Variants in TMEM156 observed in about 807,000 individuals in gnomAD.
TMEM156 encodes the protein transmembrane protein 156.
TMEM156 carries 28 observed loss-of-function variants against 30.5 expected under a neutral mutation model. The ratio of observed to expected loss-of-function variants is 0.92; its 90% confidence interval spans 0.68 to 1.26. TMEM156 has a LOEUF of 1.26. TMEM156 is among the 50% of genes most tolerant of loss of function. TMEM156 has a pLI of 0.00. For synonymous variants in TMEM156, 137 were observed against 119.9 expected (o/e 1.14, Z -0.93); for missense variants, 351 against 340.6 (o/e 1.03, Z -0.24).
At chr4:39,005,192 G>A (rs1449943081) in intron 1 of TMEM156, among the ~76,000 whole-genome samples, 2 of 152,290 alleles carry the variant, frequency 1.3e-5, no homozygotes, top group Non-Finnish European at 2.9e-5. Context: ...AGTAGGAGAA[G>A]GGCTCTTCTG....
chr4:39,009,716 C>T (rs940666122), intron 1 of TMEM156, among the ~76,000 whole-genome samples: 13 of 152,102 alleles, frequency 8.5e-5, no homozygotes, highest in African/African-American at 3.1e-4. Flanking sequence ...GATAAAAGCC[C>T]TCAACAAACT....
At chr4:38,990,294 G>T (rs576291470) in intron 3 of TMEM156, among the ~76,000 whole-genome samples, 1 of 152,188 alleles carries the variant, frequency 6.6e-6, no homozygotes, top group South Asian at 2.1e-4. Context: ...CATTTAGAGA[G>T]GTGGCTAAGT....
At chr4:38,999,110 A>ATTTTTTTTTTTTTT (rs34889728) in intron 1 of TMEM156, among the ~76,000 whole-genome samples, 2 of 106,104 alleles carry the variant, frequency 1.9e-5, no homozygotes, top group Admixed American at 1.0e-4. Context: ...TTATTTATTT[A>ATTTTTTTTTTTTTT]TTTTTTTTTT....
chr4:38,996,023 T>C (rs1017984405), intron 2 of TMEM156, among the ~76,000 whole-genome samples: 3 of 152,042 alleles, frequency 2.0e-5, no homozygotes, highest in African/African-American at 7.2e-5. Flanking sequence ...TTTCAAACTG[T>C]TTATCTGATA....
chr4:38,975,379 C>CTTTTTTTTTTTTTTTTT (rs200919074), intron 5 of TMEM156, among the ~76,000 whole-genome samples: 1 of 123,798 alleles, frequency 8.1e-6, no homozygotes, highest in African/African-American at 3.5e-5. Flanking sequence ...TTTCTTTTTT[C>CTTTTTTTTTTTTTTTTT]TTTTCTTTTT....
At chr4:39,014,817 TA>T (rs1476352383) in intron 1 of TMEM156, among the ~76,000 whole-genome samples, 3 of 151,900 alleles carry the variant, frequency 2.0e-5, no homozygotes, top group African/African-American at 4.8e-5. Flanking sequence ...CATCTTTTTT[TA>T]AAAAAGAAAT....
At chr4:38,975,803 C>T (rs1722825008) in intron 5 of TMEM156, among the ~76,000 whole-genome samples, 2 of 152,124 alleles carry the variant, frequency 1.3e-5, no homozygotes, top group Admixed American at 6.5e-5. Flanking sequence ...GACCATGAAC[C>T]AGATGGGATT....
chr4:38,983,218 C>T (rs1185760495), intron 5 of TMEM156, among the ~76,000 whole-genome samples: 1 of 152,120 alleles, frequency 6.6e-6, no homozygotes, highest in African/African-American at 2.4e-5. Flanking sequence ...TTTCCCTAGC[C>T]TCCTGTTGTT....
At chr4:38,983,514 T>C (rs142689836) in intron 5 of TMEM156, among the ~76,000 whole-genome samples, 291 of 152,304 alleles carry the variant, frequency 1.9e-3, no homozygotes, top group Middle Eastern at 0.01. Context: ...TCCTCCCACC[T>C]CATCCTCCTG....
At chr4:38,980,896 G>T (rs1466374038) in intron 5 of TMEM156, 1 of 981,428 alleles carries the variant, frequency 1.0e-6, no homozygotes, top group African/African-American at 1.8e-5. Context: ...AATTCTTCCA[G>T]GCCTGACATA....
intron 2 of TMEM156, among the ~76,000 whole-genome samples, 181 bp from the exon 3 acceptor site, chr4:38,994,179 CA>C (rs1334767498): frequency 1.3e-5 from 2 of 152,136 alleles, no homozygotes; most frequent in African/African-American, 4.8e-5. Context: ...GGCTGGAGTG[CA>C]GTGGCGTAAT....
intron 1 of TMEM156, among the ~76,000 whole-genome samples, chr4:39,027,845 C>T (rs186304845): frequency 8.5e-4 from 128 of 151,310 alleles, no homozygotes; most frequent in African/African-American, 2.8e-3. Context: ...CAACCTCCGC[C>T]TCCTGGATTC....
At chr4:39,017,632 A>T (rs912292508) in intron 1 of TMEM156, among the ~76,000 whole-genome samples, 8 of 152,208 alleles carry the variant, frequency 5.3e-5, no homozygotes, top group Admixed American at 3.9e-4. Flanking sequence ...ACTGGGAAGT[A>T]TGTTTAAAAT....
Position 39,032,218 on chromosome 4 carries a change from A to G in TMEM156, c.88+8T>C. ...GAAAGGAAAGCTAGATTACAATTATATACTCACCTTTCGGTGTCTTGAAAT... is the reference window on the plus strand; with the variant it reads ...GAAAGGAAAGCTAGATTACAATTATGTACTCACCTTTCGGTGTCTTGAAAT... On this transcript the variant is annotated splice_region_variant and intron_variant, in intron 1 of 6. Coordinates refer to ENST00000381938, the MANE Select transcript of TMEM156 (RefSeq NM_024943.3). The G allele has an allele frequency of 6.5e-7, 1 of 1,540,826 alleles. No individual in the cohort carries two copies. Among genetic ancestry groups the G allele is most frequent in the South Asian group, 1.1e-5 (1 of 87,912 alleles).
intron 5 of TMEM156, among the ~76,000 whole-genome samples, chr4:38,979,217 CA>C (rs1245104281): frequency 6.6e-6 from 1 of 152,206 alleles, no homozygotes; most frequent in Non-Finnish European, 1.5e-5. Flanking sequence ...AGCACTGGAC[CA>C]GATAGATTCA....
intron 1 of TMEM156, among the ~76,000 whole-genome samples, chr4:39,022,977 G>A (rs764787284): frequency 7.9e-5 from 12 of 152,064 alleles, no homozygotes; most frequent in South Asian, 2.1e-4. Context: ...AAAATTAAAC[G>A]TACCCAGTGA....
chr4:38,996,716 A>G (rs1319887774), intron 2 of TMEM156, among the ~76,000 whole-genome samples: 1 of 152,232 alleles, frequency 6.6e-6, no homozygotes, highest in East Asian at 1.9e-4. Flanking sequence ...TAAAAACAGA[A>G]CCACCATATG....
At chr4:39,008,392 G>C (rs563610114) in intron 1 of TMEM156, among the ~76,000 whole-genome samples, 1 of 152,176 alleles carries the variant, frequency 6.6e-6, no homozygotes, top group Non-Finnish European at 1.5e-5. Context: ...TTTCTTCTTT[G>C]ATCTGTTAAT....
intron 1 of TMEM156, among the ~76,000 whole-genome samples, chr4:39,006,092 C>T (rs557608420): frequency 6.6e-6 from 1 of 152,156 alleles, no homozygotes; most frequent in East Asian, 1.9e-4. Flanking sequence ...GATGAAGTTT[C>T]ACAATATTGG....
Sources: allele counts gnomAD v4.1 joint callset (sites outside exome capture counted in the v4.1 genomes callset), GRCh38; gene constraint gnomAD v4.1.1; transcripts MANE v1.5; gene names NCBI Gene and HGNC (gene_info 2026-07-23, HGNC 2026-07-21).